SLCO1B3: variants seen among roughly 807,000 people sequenced by gnomAD.
The protein encoded by SLCO1B3 is solute carrier organic anion transporter family member 1B3, also known as liver-specific organic anion transporter 2.
In SLCO1B3, 72 loss-of-function variants were observed where a neutral mutation model predicts 71.8. The ratio of observed to expected loss-of-function variants is 1.00; its 90% CI spans 0.83 to 1.22. SLCO1B3 has a LOEUF of 1.22. Ranked by LOEUF, SLCO1B3 falls within the 50% of genes most tolerant of loss-of-function variation. SLCO1B3 has a pLI of 0.00. For missense variants in SLCO1B3, 911 were observed against 819.7 expected (o/e 1.11, Z -1.36); for synonymous variants, 298 against 278.4 (o/e 1.07, Z -0.70).
rs1431541681 is a variant in SLCO1B3 at position 20,875,274 on chromosome 12, G to GT, written c.767_768insT (p.Ala257SerfsTer29). 15 of 1,613,004 alleles carry GT rather than the reference G, an allele frequency of 9.3e-6. No homozygotes were observed. The highest frequency in any genetic ancestry group is 1.3e-5 in the Non-Finnish European group (15 of 1,179,560). ...ACTCCTAAGGACTCTCGTTGGGTTG[G>GT]AGCTTGGTGGCTTGGTTTCCTTGTG... On this transcript the variant is annotated frameshift_variant, in exon 9 of 16. Coordinates refer to ENST00000381545, the MANE Select transcript of SLCO1B3 (RefSeq NM_019844.4). LOFTEE classifies it high-confidence loss of function.
chr12:20,829,830 G>A lies in SLCO1B3; in HGVS notation c.84+14008G>A, dbSNP rs138595009. On this transcript the variant is annotated intron_variant, in intron 3 of 15. Transcript: ENST00000381545. ...TATTCATGCCTCCCCTTTGTAGACC[G>A]TATAGGGTAACTTGCTGATGTGGCC... Among the ~76,000 whole-genome samples, 396 of 152,252 alleles carry A rather than the reference G, an allele frequency of 2.6e-3. 5 individuals are homozygous for A. Among genetic ancestry groups the A allele is most frequent in the Middle Eastern group, 0.024 (7 of 294 alleles).
At chr12:20,821,302 T>A (rs1864299873) in intron 3 of SLCO1B3, among the ~76,000 whole-genome samples, 1 of 152,184 alleles carries the variant, frequency 6.6e-6, no homozygotes, top group Non-Finnish European at 1.5e-5. Context: ...GCCGTTTTTC[T>A]GGCAATTTGT....
chr12:20,883,011 T>A (rs940865111), intron 12 of SLCO1B3, among the ~76,000 whole-genome samples: 1 of 152,162 alleles, frequency 6.6e-6, no homozygotes, highest in African/African-American at 2.4e-5. Context: ...CTGGCTCTAT[T>A]TCCTCTGCAC....
chr12:20,887,101 T>G (rs1413102047), intron 13 of SLCO1B3, among the ~76,000 whole-genome samples: 1 of 152,098 alleles, frequency 6.6e-6, no homozygotes, highest in African/African-American at 2.4e-5. Context: ...TATACAAAAT[T>G]TTTAATCTAA....
In SLCO1B3 at chr12:20,846,184, A is replaced by G. The variant is rs1310465714; in HGVS notation, c.85-8844A>G. Among the ~76,000 whole-genome samples the G allele has an allele frequency of 2.0e-5, 3 of 151,984 alleles. No homozygotes were observed. The East Asian group carries it at 5.8e-4, about 29-fold the overall frequency. ...ATTTACTATGACATTGTTTTCCTTT[A>G]TATCAAAGAGAATAGTTAGAATAGT... On this transcript the variant is annotated intron_variant, in intron 3 of 15. Transcript: ENST00000381545.
At chr12:20,870,536 C>A (rs1454228083) in intron 8 of SLCO1B3, among the ~76,000 whole-genome samples, 2 of 152,116 alleles carry the variant, frequency 1.3e-5, no homozygotes, top group Non-Finnish European at 2.9e-5. Flanking sequence ...GATATAACAT[C>A]ATTTTCTTGT....
intron 3 of SLCO1B3, among the ~76,000 whole-genome samples, chr12:20,819,220 A>C (rs1364307067): frequency 3.3e-5 from 5 of 152,152 alleles, no homozygotes; most frequent in African/African-American, 4.8e-5. Context: ...CTAGGAAGGA[A>C]AGGAGTTGTT....
In SLCO1B3 at chr12:20,906,702, A is replaced by AT. The variant is rs1202288864; in HGVS notation, c.1865+5236dup. Reference sequence around the variant, plus strand: ...GAAGTCACTAATGGTTATGAAACATATAAAAAGATTGCAGCTCTGTTATTA... The same window carrying AT: ...GAAGTCACTAATGGTTATGAAACATATTAAAAAGATTGCAGCTCTGTTATTA... On this transcript the variant is annotated intron_variant, in intron 15 of 15. Transcript: ENST00000381545. Among the ~76,000 whole-genome samples the AT allele has an allele frequency of 6.6e-5, 10 of 152,202 alleles. No individual in the cohort carries two copies. In the East Asian group the frequency reaches 1.9e-3, roughly 29 times the overall value.
At chr12:20,858,228 C>CTTTGCATAT (rs1446554578) in intron 4 of SLCO1B3, among the ~76,000 whole-genome samples, 3 of 152,068 alleles carry the variant, frequency 2.0e-5, no homozygotes, top group Non-Finnish European at 4.4e-5. Flanking sequence ...CAAGTGCTTT[C>CTTTGCATAT]TTTGCATATA....
intron 13 of SLCO1B3, among the ~76,000 whole-genome samples, chr12:20,891,445 G>A (rs1000718930): frequency 4.6e-5 from 7 of 151,902 alleles, no homozygotes; most frequent in Non-Finnish European, 8.8e-5. Context: ...CTCTTGCCAC[G>A]TTTAAGATTT....
At chr12:20,815,920 A>G in intron 3 of SLCO1B3, 98 bp downstream of exon 3, 1 of 583,976 alleles carries the variant, frequency 1.7e-6, no homozygotes, top group Non-Finnish European at 2.9e-6. Flanking sequence ...TATATCTCAT[A>G]TTACAATTTT....
chr12:20,854,166 G>C (rs990715444), intron 3 of SLCO1B3, among the ~76,000 whole-genome samples: 2 of 152,070 alleles, frequency 1.3e-5, no homozygotes, highest in Non-Finnish European at 2.9e-5. Flanking sequence ...CTGGAGAAAA[G>C]ATGTATTCTG....
intron 13 of SLCO1B3, 113 bp downstream of exon 13, chr12:20,883,715 C>A: frequency 6.0e-6 from 4 of 671,218 alleles, no homozygotes; most frequent in Non-Finnish European, 9.8e-6. Context: ...ATTTTTAATT[C>A]TTTGAGAATG....
At chr12:20,857,433 C>T (rs1865164011) in intron 4 of SLCO1B3, among the ~76,000 whole-genome samples, 1 of 151,246 alleles carries the variant, frequency 6.6e-6, no homozygotes, top group South Asian at 2.1e-4. Flanking sequence ...AAATTTTTTC[C>T]TCTGAATTTC....
chr12:20,881,943 C>T (rs529506938), intron 12 of SLCO1B3, among the ~76,000 whole-genome samples: 31 of 152,292 alleles, frequency 2.0e-4, no homozygotes, highest in Middle Eastern at 3.4e-3. Context: ...TATTATTAAA[C>T]GGCATGGAGA....
intron 3 of SLCO1B3, among the ~76,000 whole-genome samples, chr12:20,836,982 T>C (rs1864696670): frequency 6.6e-6 from 1 of 152,198 alleles, no homozygotes; most frequent in African/African-American, 2.4e-5. Flanking sequence ...ACAATCTAAT[T>C]TCTTAAACAG....
chr12:20,857,912 T>C (rs1865174331), intron 4 of SLCO1B3, among the ~76,000 whole-genome samples: 1 of 152,142 alleles, frequency 6.6e-6, no homozygotes, highest in Non-Finnish European at 1.5e-5. Flanking sequence ...CAGGAAACTT[T>C]CACAAAGCCC....
intron 5 of SLCO1B3, among the ~76,000 whole-genome samples, chr12:20,859,629 A>G (rs1357626775): frequency 1.3e-5 from 2 of 151,918 alleles, no homozygotes; most frequent in African/African-American, 2.4e-5. Context: ...TTCTGACACC[A>G]TAATTTCTGT....
At chr12:20,865,945 A>G (rs1865365681) in intron 8 of SLCO1B3, among the ~76,000 whole-genome samples, 1 of 152,116 alleles carries the variant, frequency 6.6e-6, no homozygotes, top group Non-Finnish European at 1.5e-5. Context: ...TATTGCAGTA[A>G]GCTCAAGTGT....
Sources: gnomAD v4.1 joint callset for allele counts (sites outside exome capture counted in the v4.1 genomes callset) on GRCh38, gnomAD v4.1.1 for gene constraint, MANE v1.5 for transcripts, NCBI Gene and HGNC (gene_info 2026-07-23, HGNC 2026-07-21) for gene names.